THSD7B: variants seen among roughly 807,000 people sequenced by gnomAD.
THSD7B encodes thrombospondin type-1 domain-containing protein 7B.
THSD7B carries 138 observed loss-of-function variants against 213.6 expected under a neutral mutation model. The ratio of observed to expected loss-of-function variants is 0.65; its 90% CI spans 0.56 to 0.74. THSD7B has a LOEUF of 0.74. Among genes scored for constraint, THSD7B ranks in the 30% least tolerant of loss-of-function variants. THSD7B has a pLI of 0.00. For missense variants in THSD7B, 1,931 were observed against 1,991.5 expected (o/e 0.97, Z 0.58); for synonymous variants, 742 against 687.0 (o/e 1.08, Z -1.25).
intron 9 of THSD7B, 132 bp downstream of exon 9, chr2:137,233,265 C>A: frequency 1.2e-6 from 1 of 806,492 alleles, no homozygotes; most frequent in Admixed American, 2.8e-5. Flanking sequence ...TGCTGTTTGA[C>A]CATTAAAGAT....
chr2:137,462,212 C>T lies in THSD7B; in HGVS notation c.3138+11189C>T, dbSNP rs567331685. ...TTGTCCAGTGTCTCCATGCTGTATA[C>T]TCTGTTTACCAGTTAGTCACTTAGT... On this transcript the variant is annotated intron_variant, in intron 15 of 27. Coordinates refer to ENST00000409968, the MANE Select transcript of THSD7B (RefSeq NM_001316349.2). 5.7e-4 allele frequency among the ~76,000 whole-genome samples: 86 copies of T among 152,060 alleles called. 1 individual carries two copies. Among genetic ancestry groups the T allele is most frequent in the Middle Eastern group, 6.8e-3 (2 of 294 alleles).
At chr2:136,891,255 T>C (rs781436004) in intron 2 of THSD7B, among the ~76,000 whole-genome samples, 3 of 152,158 alleles carry the variant, frequency 2.0e-5, no homozygotes, top group Non-Finnish European at 4.4e-5. Flanking sequence ...GCCCCTGACA[T>C]AGTGAGCTTT....
intron 15 of THSD7B, among the ~76,000 whole-genome samples, chr2:137,530,360 T>A (rs1176656609): frequency 6.6e-6 from 1 of 152,026 alleles, no homozygotes. Context: ...CTAAATGACC[T>A]ATCAGGCCCA....
chr2:137,673,078 C>G (rs1683614184), intron 27 of THSD7B, among the ~76,000 whole-genome samples: 1 of 152,198 alleles, frequency 6.6e-6, no homozygotes, highest in Non-Finnish European at 1.5e-5. Flanking sequence ...TTGTCTCTCA[C>G]AAATGGCTGC....
chr2:137,275,826 C>T (rs1276964652), intron 11 of THSD7B, 97 bp from the exon 12 acceptor site: 1 of 858,444 alleles, frequency 1.2e-6, no homozygotes, highest in Non-Finnish European at 1.8e-6. Context: ...TATTGAATTA[C>T]TGTCTTTACT....
chr2:137,117,968 C>T (rs1365167259), intron 5 of THSD7B, among the ~76,000 whole-genome samples: 1 of 152,028 alleles, frequency 6.6e-6, no homozygotes, highest in East Asian at 1.9e-4. Context: ...ATGTTTGCCG[C>T]AAGAGTATAA....
intron 17 of THSD7B, among the ~76,000 whole-genome samples, chr2:137,574,934 A>G (rs917961769): frequency 2.0e-5 from 3 of 152,138 alleles, no homozygotes; most frequent in Non-Finnish European, 4.4e-5. Context: ...CCTGTAGAAC[A>G]TGAGCTGATT....
rs192733987 is a variant in THSD7B at position 137,526,615 on chromosome 2, G to A, written c.3139-36606G>A. On this transcript the variant is annotated intron_variant, in intron 15 of 27. Coordinates refer to ENST00000409968, the MANE Select transcript of THSD7B (RefSeq NM_001316349.2). Reference sequence around the variant, plus strand: ...TTTTTTGTATTTTTAGTAGAGACAGGGTTTTGCCATGTTGGCCAGGCTGGT... The same window carrying A: ...TTTTTTGTATTTTTAGTAGAGACAGAGTTTTGCCATGTTGGCCAGGCTGGT... Among the ~76,000 whole-genome samples the A allele has an allele frequency of 6.0e-3, 917 of 152,158 alleles. 2 individuals carry two copies. Among genetic ancestry groups the A allele is most frequent in the Non-Finnish European group, 9.7e-3 (657 of 68,006 alleles).
intron 7 of THSD7B, among the ~76,000 whole-genome samples, chr2:137,190,150 A>C (rs142370438): frequency 6.6e-6 from 1 of 152,188 alleles, no homozygotes; most frequent in Non-Finnish European, 1.5e-5. Context: ...GGATGTGACT[A>C]ACTAGAGAAT....
In THSD7B at chr2:137,657,153, T is replaced by G. The variant is rs1433646204; in HGVS notation, c.4368T>G (p.Asn1456Lys). 7 of 1,613,902 alleles carry G rather than the reference T, an allele frequency of 4.3e-6. No homozygotes were observed. The Admixed American group carries it at 1.2e-4, about 27-fold the overall frequency. ...TVWCQRSDGV[N>K]VTGGCSPQAR... ...GGTGCCAGCGTTCAGATGGCGTTAATGTCACAGGTATTCCTGCCTAAGACT... is the reference window on the plus strand; with the variant it reads ...GGTGCCAGCGTTCAGATGGCGTTAAGGTCACAGGTATTCCTGCCTAAGACT... Residue 1456 changes from asparagine (N) to lysine (K), a missense_variant, in exon 24 of 28, where the codon AAT (asparagine) becomes AAG (lysine). Asn to Lys is a moderately conservative substitution (Grantham distance 94). Coordinates refer to ENST00000409968, the MANE Select transcript of THSD7B (RefSeq NM_001316349.2).
intron 7 of THSD7B, among the ~76,000 whole-genome samples, chr2:137,229,654 C>T (rs1437016178): frequency 1.3e-5 from 2 of 152,110 alleles, no homozygotes; most frequent in African/African-American, 4.8e-5. Flanking sequence ...GAATTAGACA[C>T]AGCACGGTTA....
At chr2:136,935,479 C>T (rs1399474396) in intron 2 of THSD7B, among the ~76,000 whole-genome samples, 2 of 151,990 alleles carry the variant, frequency 1.3e-5, no homozygotes, top group East Asian at 3.9e-4. Flanking sequence ...GGGAATAAAA[C>T]TGGATGGAAG....
At chr2:137,602,534 C>T (rs930803002) in intron 17 of THSD7B, among the ~76,000 whole-genome samples, 2 of 152,084 alleles carry the variant, frequency 1.3e-5, no homozygotes, top group Non-Finnish European at 2.9e-5. Flanking sequence ...TCCCAAAGTG[C>T]TGGGATTACA....
intron 1 of THSD7B, among the ~76,000 whole-genome samples, chr2:136,862,062 G>C (rs1367093285): frequency 6.6e-6 from 1 of 152,196 alleles, no homozygotes; most frequent in Non-Finnish European, 1.5e-5. Flanking sequence ...TCCCCATGGT[G>C]AGTGATCGAG....
At chr2:137,112,363 T>TTA (rs1688363562) in intron 4 of THSD7B, among the ~76,000 whole-genome samples, 1 of 150,078 alleles carries the variant, frequency 6.7e-6, no homozygotes, top group Non-Finnish European at 1.5e-5. Context: ...TCTGAGGTGG[T>TTA]AAAAAAAAAA....
At chr2:137,672,142 C>A (rs559675603) in intron 27 of THSD7B, among the ~76,000 whole-genome samples, 57 of 152,046 alleles carry the variant, frequency 3.7e-4, no homozygotes, top group Middle Eastern at 3.4e-3. Context: ...TAATTTATTG[C>A]CCGTGATTTT....
At chr2:136,916,961 C>T (rs1684360379) in intron 2 of THSD7B, among the ~76,000 whole-genome samples, 2 of 152,004 alleles carry the variant, frequency 1.3e-5, no homozygotes, top group Admixed American at 6.6e-5. Context: ...GCCACTCAGC[C>T]TATGTTAAAG....
At chr2:137,500,371 G>T (rs1198995225) in intron 15 of THSD7B, among the ~76,000 whole-genome samples, 6 of 152,196 alleles carry the variant, frequency 3.9e-5, no homozygotes, top group Non-Finnish European at 7.4e-5. Flanking sequence ...CAGTAGCAAA[G>T]ATCTAGACAT....
chr2:137,188,370 C>G (rs1407224183), intron 7 of THSD7B, among the ~76,000 whole-genome samples: 1 of 152,144 alleles, frequency 6.6e-6, no homozygotes, highest in Non-Finnish European at 1.5e-5. Flanking sequence ...AAGGTAGATA[C>G]TCTATCTGGA....
Sources: allele counts gnomAD v4.1 joint callset (sites outside exome capture counted in the v4.1 genomes callset), GRCh38; gene constraint gnomAD v4.1.1; transcripts MANE v1.5; gene names NCBI Gene and HGNC (gene_info 2026-07-23, HGNC 2026-07-21).